Variants in CYB5R4 observed in about 807,000 individuals in gnomAD.
The protein encoded by CYB5R4 is cytochrome b5 reductase 4.
In CYB5R4, 55 loss-of-function variants were observed where a neutral mutation model predicts 70.2. The observed-to-expected ratio is 0.78, with a 90% confidence interval of 0.63 to 0.98. The LOEUF is 0.98. Ranked by LOEUF, CYB5R4 falls within the 50% of genes least tolerant of loss-of-function variation. The pLI is 0.00. For synonymous variants in CYB5R4, 197 were observed against 199.5 expected (o/e 0.99, Z 0.11); for missense variants, 562 against 612.6 (o/e 0.92, Z 0.87).
chr6:83,918,946 A>C (rs2129139614), intron 6 of CYB5R4, among the ~76,000 whole-genome samples: 1 of 152,262 alleles, frequency 6.6e-6, no homozygotes, highest in African/African-American at 2.4e-5. Context: ...CAGAAGACTT[A>C]GTTTCACTTT....
chr6:83,891,815 T>C (rs2099461166), intron 2 of CYB5R4, among the ~76,000 whole-genome samples: 1 of 152,170 alleles, frequency 6.6e-6, no homozygotes, highest in South Asian at 2.1e-4. Context: ...ATGGAATGTT[T>C]TAGGCTTTAT....
intron 10 of CYB5R4, among the ~76,000 whole-genome samples, chr6:83,928,524 A>G (rs1431344538): frequency 6.6e-6 from 1 of 152,136 alleles, no homozygotes; most frequent in African/African-American, 2.4e-5. Context: ...AACAAAAACT[A>G]TATGGGACTT....
At chr6:83,946,999 T>G (rs1236664213) in intron 14 of CYB5R4, among the ~76,000 whole-genome samples, 1 of 152,094 alleles carries the variant, frequency 6.6e-6, no homozygotes, top group Non-Finnish European at 1.5e-5. Flanking sequence ...TTTATAGATT[T>G]AATGCCATCC....
intron 10 of CYB5R4, among the ~76,000 whole-genome samples, chr6:83,931,926 A>G (rs2129141739): frequency 6.7e-6 from 1 of 149,028 alleles, no homozygotes; most frequent in East Asian, 2.0e-4. Flanking sequence ...CATTAGGTAT[A>G]TCTCCTAATG....
chr6:83,958,009 A>G (rs2099472691), intron 15 of CYB5R4, among the ~76,000 whole-genome samples: 1 of 152,092 alleles, frequency 6.6e-6, no homozygotes, highest in Admixed American at 6.6e-5. Flanking sequence ...TGTGATTGTG[A>G]TGTCCACTCC....
Position 83,859,797 on chromosome 6 carries a change from T to C in CYB5R4, c.15T>C (p.Pro5=). 6.2e-7 allele frequency: 1 copy of C among 1,613,424 alleles called. No individual in the cohort carries two copies. The highest frequency in any genetic ancestry group is 8.5e-7 in the Non-Finnish European group (1 of 1,179,830). MLNV[P]SQSFPAPRSQ... ...GGGGTTTGAAGATGCTGAACGTCCCTTCCCAGTCTTTCCCGGCCCCCAGGT... is the reference window on the plus strand; with the variant it reads ...GGGGTTTGAAGATGCTGAACGTCCCCTCCCAGTCTTTCCCGGCCCCCAGGT... The change falls in exon 1 of 16, where the codon CCT becomes CCC. Residue 5 remains proline, a synonymous_variant. Transcript: ENST00000369681.
At chr6:83,872,486 A>G (rs969328016) in intron 2 of CYB5R4, among the ~76,000 whole-genome samples, 2 of 152,214 alleles carry the variant, frequency 1.3e-5, no homozygotes, top group African/African-American at 4.8e-5. Flanking sequence ...ATAGAAAACT[A>G]TTTTGGCTTA....
chr6:83,966,703 CAAAT>C lies in CYB5R4; in HGVS notation c.*6829_*6832del, dbSNP rs1225947676. On this transcript the variant is annotated 3_prime_UTR_variant, in exon 16 of 16. Transcript: ENST00000369681. ...TGAAACTCCATCTCAAAAAATAAAA[CAAAT>C]AAAAAGGATTCTAGAGGAAGTGGTA... 6.6e-6 allele frequency: 1 copy of C among 151,746 alleles called. No homozygotes were observed. Among genetic ancestry groups the C allele is most frequent in the African/African-American group, 2.4e-5 (1 of 41,326 alleles). The allele number at this position is 151,746 out of a possible 1,614,324, so 9.4% of individuals were successfully genotyped here. A position where few individuals can be genotyped will look rare whatever the true frequency, so the allele number is the denominator to read the frequency against.
intron 2 of CYB5R4, among the ~76,000 whole-genome samples, chr6:83,882,050 A>G (rs1356445180): frequency 3.3e-5 from 5 of 152,242 alleles, no homozygotes; most frequent in African/African-American, 1.2e-4. Flanking sequence ...ACAAATGCCA[A>G]CTATAAACTC....
At chr6:83,939,960 A>C in intron 12 of CYB5R4, 96 bp from the exon 13 acceptor site, 1 of 804,506 alleles carries the variant, frequency 1.2e-6, no homozygotes, top group South Asian at 1.8e-5. Context: ...AGTGTTTTAA[A>C]TTCAGCTAGT....
intron 10 of CYB5R4, among the ~76,000 whole-genome samples, chr6:83,933,792 A>G (rs1215319019): frequency 2.6e-5 from 4 of 152,202 alleles, no homozygotes; most frequent in Non-Finnish European, 5.9e-5. Context: ...GTATTTATAA[A>G]AATATTTGAT....
chr6:83,863,377 A>G (rs1014237448), intron 1 of CYB5R4, among the ~76,000 whole-genome samples: 1 of 152,122 alleles, frequency 6.6e-6, no homozygotes, highest in African/African-American at 2.4e-5. Flanking sequence ...TACAAGTTTT[A>G]TTTTCCATTA....
intron 14 of CYB5R4, among the ~76,000 whole-genome samples, chr6:83,949,210 T>C (rs2099471154): frequency 6.6e-6 from 1 of 151,548 alleles, no homozygotes; most frequent in African/African-American, 2.4e-5. Context: ...TTAGCAGGAA[T>C]TTTACCATAT....
At position 83,910,281 on chromosome 6, in the gene CYB5R4, A is replaced by G. The variant is rs1471936333; in HGVS notation, c.412+1191A>G. 2.6e-5 allele frequency: 18 copies of G among 695,016 alleles called. No homozygotes were observed. The East Asian group carries it at 4.9e-4, about 19-fold the overall frequency. 43.1% of individuals were successfully genotyped at this position (695,016 alleles called of 1,614,324 possible). ...GAAGCCTCAGTTTCCTCATTGGTAA[A>G]ATGGAGACAATTTAGGTAGACAAAG... On this transcript the variant is annotated intron_variant, in intron 4 of 15. Coordinates refer to ENST00000369681, the MANE Select transcript of CYB5R4 (RefSeq NM_016230.4).
At chr6:83,899,593 C>G (rs890719779) in intron 3 of CYB5R4, among the ~76,000 whole-genome samples, 1 of 152,090 alleles carries the variant, frequency 6.6e-6, no homozygotes, top group Non-Finnish European at 1.5e-5. Context: ...TCCATCTGGT[C>G]CTGGACTTTT....
rs1213055897 is a variant in CYB5R4 at position 83,960,175 on chromosome 6, A to G, written c.*297A>G. On this transcript the variant is annotated 3_prime_UTR_variant, in exon 16 of 16. Transcript: ENST00000369681. ...CATTTAAATTATATCACTGTTCTAC[A>G]ATAAGCACTTGTGTTTTATGACATG... 4.3e-6 allele frequency: 1 copy of G among 233,220 alleles called. No homozygotes were observed. The highest frequency in any genetic ancestry group is 5.9e-5 in the Admixed American group (1 of 17,002). The allele number at this position is 233,220 out of a possible 1,614,324, so 14.4% of individuals were successfully genotyped here.
At chr6:83,942,409 A>G (rs374447411) in intron 14 of CYB5R4, among the ~76,000 whole-genome samples, 1 of 152,234 alleles carries the variant, frequency 6.6e-6, no homozygotes, top group African/African-American at 2.4e-5. Flanking sequence ...GGACTGTGCC[A>G]TGAGTGACTG....
intron 3 of CYB5R4, among the ~76,000 whole-genome samples, chr6:83,901,705 GT>G (rs34070915): frequency 2.1e-3 from 302 of 143,924 alleles, no homozygotes; most frequent in South Asian, 5.8e-3. Flanking sequence ...ATTATTTCTT[GT>G]TTTTTTTTTT....
At chr6:83,913,114 A>T (rs572581057) in intron 4 of CYB5R4, among the ~76,000 whole-genome samples, 1 of 152,354 alleles carries the variant, frequency 6.6e-6, no homozygotes, top group African/African-American at 2.4e-5. Flanking sequence ...CTGAAAATAG[A>T]TACATGTTCT....
Sources: gnomAD v4.1 joint callset for allele counts (sites outside exome capture counted in the v4.1 genomes callset) on GRCh38, gnomAD v4.1.1 for gene constraint, MANE v1.5 for transcripts, NCBI Gene and HGNC (gene_info 2026-07-23, HGNC 2026-07-21) for gene names.